ROR2: variants seen among roughly 807,000 people sequenced by gnomAD.
ROR2 encodes the protein ROR family WNT receptor 2.
A neutral mutation model predicts 74.9 loss-of-function variants in ROR2; 33 were observed. The observed-to-expected ratio is 0.44, with a 90% CI of 0.33 to 0.59. The LOEUF is 0.59. Among genes scored for constraint, ROR2 ranks in the 20% least tolerant of loss-of-function variants. The pLI is 0.02. For missense variants in ROR2, 1,216 were observed against 1,313.8 expected, an observed-to-expected ratio of 0.93 and a Z score of 1.15; for synonymous variants, 586 against 558.7, an observed-to-expected ratio of 1.05 and a Z score of -0.69.
chr9:91,880,635 G>A (rs1830082917), intron 1 of ROR2, among the ~76,000 whole-genome samples: 1 of 152,230 alleles, frequency 6.6e-6, no homozygotes. Context: ...AGGGGACAAA[G>A]TGACCCTGTG....
At chr9:91,850,413 C>A (rs1013096775) in intron 1 of ROR2, among the ~76,000 whole-genome samples, 10 of 85,524 alleles carry the variant, frequency 1.2e-4, no homozygotes, top group Admixed American at 3.7e-4. Context: ...GAAGAGACGA[C>A]CCTGGACAAT....
chr9:91,886,744 T>TAA (rs1311357181), intron 1 of ROR2: 1 of 152,196 alleles, frequency 6.6e-6, no homozygotes, highest in Non-Finnish European at 1.5e-5. Flanking sequence ...GGGAAGGCCG[T>TAA]AATTGCAGGA....
In ROR2 at chr9:91,794,754, G is replaced by A. The variant is rs982521474; in HGVS notation, c.98-18936C>T. Reference sequence around the variant, plus strand: ...CTAGTTTAATTTTTCTAATAAAAAAGTAAAACAAAATAATTCACCTTGGAA... The same window carrying A: ...CTAGTTTAATTTTTCTAATAAAAAAATAAAACAAAATAATTCACCTTGGAA... On this transcript the variant is annotated intron_variant, in intron 1 of 8. Coordinates refer to ENST00000375708, the MANE Select transcript of ROR2 (RefSeq NM_004560.4). 2.0e-5 allele frequency among the ~76,000 whole-genome samples: 3 copies of A among 151,812 alleles called. No individual in the cohort carries two copies. In the South Asian group the frequency reaches 6.3e-4, roughly 32 times the overall value.
chr9:91,769,681 C>T (rs765695274), intron 2 of ROR2, among the ~76,000 whole-genome samples: 2 of 152,154 alleles, frequency 1.3e-5, no homozygotes, highest in African/African-American at 2.4e-5. Flanking sequence ...ATTGCCCCTA[C>T]GTCCTCTCTC....
intron 1 of ROR2, among the ~76,000 whole-genome samples, chr9:91,854,675 G>A (rs914884050): frequency 2.0e-5 from 3 of 152,208 alleles, no homozygotes; most frequent in East Asian, 1.9e-4. Context: ...TGGAGTCTCC[G>A]CTGCCTCTGA....
intron 1 of ROR2, among the ~76,000 whole-genome samples, chr9:91,833,736 CAGA>C (rs1563988825): frequency 6.6e-6 from 1 of 152,102 alleles, no homozygotes; most frequent in Non-Finnish European, 1.5e-5. Context: ...CCTCAACACG[CAGA>C]AGGAGCTGTC....
At chr9:91,827,199 A>G (rs970394298) in intron 1 of ROR2, among the ~76,000 whole-genome samples, 1 of 152,202 alleles carries the variant, frequency 6.6e-6, no homozygotes, top group Non-Finnish European at 1.5e-5. Flanking sequence ...CAATTCTTCT[A>G]TGTAGTCAAG....
chr9:91,884,326 A>G (rs1356898561), intron 1 of ROR2, among the ~76,000 whole-genome samples: 2 of 152,008 alleles, frequency 1.3e-5, no homozygotes, highest in African/African-American at 4.8e-5. Context: ...GATCTCAACC[A>G]GCAGGGATGT....
At chr9:91,843,334 C>T (rs1485533465) in intron 1 of ROR2, among the ~76,000 whole-genome samples, 3 of 152,228 alleles carry the variant, frequency 2.0e-5, no homozygotes, top group Admixed American at 6.5e-5. Context: ...GGGCCCTCCA[C>T]GCTCCCCCGT....
At chr9:91,790,622 CT>C in intron 1 of ROR2, among the ~76,000 whole-genome samples, 1 of 152,064 alleles carries the variant, frequency 6.6e-6, no homozygotes, top group Non-Finnish European at 1.5e-5. Context: ...ACTATACTTT[CT>C]ATCATCATTT....
intron 1 of ROR2, among the ~76,000 whole-genome samples, chr9:91,785,255 G>C (rs1826758539): frequency 6.6e-6 from 1 of 152,200 alleles, no homozygotes; most frequent in Non-Finnish European, 1.5e-5. Context: ...CGCCTCACTT[G>C]TTTCAGGGTC....
intron 1 of ROR2, among the ~76,000 whole-genome samples, chr9:91,802,508 C>A (rs1390899625): frequency 6.6e-6 from 1 of 152,110 alleles, no homozygotes; most frequent in Non-Finnish European, 1.5e-5. Context: ...CTGCTTACAC[C>A]CAAAAGACAT....
intron 8 of ROR2, 55 bp from the exon 9 acceptor site, chr9:91,725,162 A>C: frequency 1.2e-6 from 2 of 1,607,478 alleles, no homozygotes; most frequent in Non-Finnish European, 1.7e-6. Flanking sequence ...GCCCTGGAGG[A>C]AGCTGCAGAG....
At chr9:91,834,459 A>G (rs1329123524) in intron 1 of ROR2, among the ~76,000 whole-genome samples, 3 of 152,314 alleles carry the variant, frequency 2.0e-5, no homozygotes, top group East Asian at 3.9e-4. Context: ...GCCTGGCATG[A>G]ATTTTCCTTT....
intron 1 of ROR2, among the ~76,000 whole-genome samples, chr9:91,910,329 T>C (rs750332840): frequency 1.3e-5 from 2 of 152,220 alleles, no homozygotes; most frequent in Non-Finnish European, 2.9e-5. Context: ...AACTCCAAAA[T>C]ATCTGGGCTT....
intron 1 of ROR2, among the ~76,000 whole-genome samples, chr9:91,786,884 G>A (rs918486392): frequency 2.0e-5 from 3 of 152,190 alleles, no homozygotes; most frequent in Non-Finnish European, 4.4e-5. Context: ...TAAAGAATTA[G>A]AGGAGCTACG....
At chr9:91,887,664 T>C (rs779035675) in intron 1 of ROR2, among the ~76,000 whole-genome samples, 62 of 152,184 alleles carry the variant, frequency 4.1e-4, no homozygotes, top group Non-Finnish European at 1.6e-4. Flanking sequence ...GCAATTGCAC[T>C]GAGTAGGAGA....
At chr9:91,803,309 G>A (rs1196030513) in intron 1 of ROR2, among the ~76,000 whole-genome samples, 2 of 152,192 alleles carry the variant, frequency 1.3e-5, no homozygotes, top group South Asian at 2.1e-4. Context: ...GCCACAAAAC[G>A]ACAAAGGCTA....
intron 1 of ROR2, among the ~76,000 whole-genome samples, chr9:91,891,458 G>A (rs548085938): frequency 3.3e-5 from 5 of 151,930 alleles, no homozygotes; most frequent in African/African-American, 7.2e-5. Flanking sequence ...TAGTAGAGAC[G>A]GGGTTTCACC....
Sources: allele counts gnomAD v4.1 joint callset (sites outside exome capture counted in the v4.1 genomes callset), GRCh38; gene constraint gnomAD v4.1.1; transcripts MANE v1.5; gene names NCBI Gene and HGNC (gene_info 2026-07-23, HGNC 2026-07-21).